EYS: variants seen among roughly 807,000 people sequenced by gnomAD.
EYS encodes protein eyes shut homolog.
A neutral mutation model predicts 282.1 loss-of-function variants in EYS; 250 were observed. The ratio of observed to expected loss-of-function variants is 0.89; its 90% CI spans 0.80 to 0.98. EYS has a LOEUF of 0.98. Ranked by LOEUF, EYS falls within the 50% of genes least tolerant of loss-of-function variation. EYS has a pLI of 0.00. For synonymous variants in EYS, 1,355 were observed against 1,282.9 expected (o/e 1.06, Z -1.20); for missense variants, 4,016 against 3,709.0 (o/e 1.08, Z -2.15).
At chr6:64,194,454 C>A (rs1378964139) in intron 31 of EYS, among the ~76,000 whole-genome samples, 1 of 151,998 alleles carries the variant, frequency 6.6e-6, no homozygotes, top group Non-Finnish European at 1.5e-5. Flanking sequence ...TTTGTGTAAA[C>A]ATCTTATTAT....
At chr6:65,061,749 C>A (rs1426145752) in intron 12 of EYS, among the ~76,000 whole-genome samples, 1 of 151,776 alleles carries the variant, frequency 6.6e-6, no homozygotes, top group Non-Finnish European at 1.5e-5. Context: ...CATCATATTC[C>A]TCAATTGCTT....
intron 26 of EYS, among the ~76,000 whole-genome samples, chr6:64,471,252 A>G (rs1333050863): frequency 1.3e-5 from 2 of 152,176 alleles, no homozygotes; most frequent in East Asian, 1.9e-4. Context: ...GAGCAATTAG[A>G]CAAGAACGAA....
At chr6:64,326,305 C>T (rs1261868259) in intron 29 of EYS, among the ~76,000 whole-genome samples, 1 of 152,132 alleles carries the variant, frequency 6.6e-6, no homozygotes, top group Non-Finnish European at 1.5e-5. Context: ...AAGTTTATTA[C>T]AGGCCCAGCG....
chr6:64,226,895 A>G (rs754840575), intron 31 of EYS, among the ~76,000 whole-genome samples: 2 of 152,012 alleles, frequency 1.3e-5, no homozygotes, highest in Non-Finnish European at 2.9e-5. Context: ...ATCTAGTGCT[A>G]TTTTAGTTAA....
chr6:63,996,968 A>C (rs1373326319), intron 34 of EYS, among the ~76,000 whole-genome samples: 3 of 152,142 alleles, frequency 2.0e-5, no homozygotes, highest in Non-Finnish European at 4.4e-5. Context: ...TTTGGTGTCA[A>C]TCTGGCTTTG....
intron 12 of EYS, among the ~76,000 whole-genome samples, chr6:65,285,422 T>C (rs921339524): frequency 6.6e-6 from 1 of 151,934 alleles, no homozygotes; most frequent in East Asian, 1.9e-4. Flanking sequence ...ATGCAAAAAA[T>C]GTATCTTTCC....
At chr6:64,989,207 C>A (rs1272563599) in intron 14 of EYS, among the ~76,000 whole-genome samples, 1 of 150,486 alleles carries the variant, frequency 6.6e-6, no homozygotes, top group African/African-American at 2.4e-5. Context: ...GGTAACACAG[C>A]TGGTGAGGCC....
At chr6:65,462,808 G>T (rs1049415667) in intron 5 of EYS, among the ~76,000 whole-genome samples, 1 of 151,764 alleles carries the variant, frequency 6.6e-6, no homozygotes, top group Non-Finnish European at 1.5e-5. Context: ...ACTTTTTATG[G>T]TTCTTAATAT....
At chr6:65,295,742 G>T in intron 12 of EYS, 121 bp downstream of exon 12, 1 of 910,290 alleles carries the variant, frequency 1.1e-6, no homozygotes, top group South Asian at 1.7e-5. Context: ...TGCCAAATAA[G>T]AAATGAGACA....
chr6:64,787,714 A>G (rs1029478974), intron 22 of EYS, among the ~76,000 whole-genome samples: 2 of 149,172 alleles, frequency 1.3e-5, no homozygotes, highest in African/African-American at 4.9e-5. Context: ...AGATAATAAT[A>G]CATATATAAC....
At chr6:64,072,924 C>A (rs747517789) in intron 32 of EYS, among the ~76,000 whole-genome samples, 16 of 151,784 alleles carry the variant, frequency 1.1e-4, no homozygotes, top group Non-Finnish European at 2.1e-4. Context: ...TTCAAAACTT[C>A]AAAAACTGAA....
At chr6:64,261,410 G>C (rs550350185) in intron 30 of EYS, among the ~76,000 whole-genome samples, 1 of 152,194 alleles carries the variant, frequency 6.6e-6, no homozygotes, top group Admixed American at 6.6e-5. Context: ...CTAAGATATA[G>C]ACACGTAAAT....
intron 13 of EYS, among the ~76,000 whole-genome samples, chr6:65,016,031 G>A (rs1342222134): frequency 1.4e-5 from 2 of 146,542 alleles, no homozygotes; most frequent in African/African-American, 5.1e-5. Flanking sequence ...GCAGCAGAGC[G>A]AGACTCCACA....
chr6:64,526,695 G>A (rs72874940), intron 26 of EYS, among the ~76,000 whole-genome samples: 1,554 of 151,868 alleles, frequency 0.01, 11 homozygotes, highest in Middle Eastern at 0.024. Context: ...AAGTAGATTA[G>A]GAGTGAGATG....
intron 26 of EYS, among the ~76,000 whole-genome samples, chr6:64,534,189 TA>T (rs1244457197): frequency 2.0e-5 from 3 of 151,838 alleles, no homozygotes; most frequent in African/African-American, 7.2e-5. Flanking sequence ...AAAATAATAT[TA>T]AAAATAAAAA....
chr6:63,934,449 C>T (rs866025946), intron 35 of EYS, among the ~76,000 whole-genome samples: 8 of 151,980 alleles, frequency 5.3e-5, no homozygotes, highest in African/African-American at 1.9e-4. Context: ...CACATGCGCA[C>T]GTATGTTTAT....
intron 32 of EYS, among the ~76,000 whole-genome samples, chr6:64,070,185 T>C (rs1771522449): frequency 6.6e-6 from 1 of 152,148 alleles, no homozygotes; most frequent in Admixed American, 6.6e-5. Flanking sequence ...AAAAGTGTAT[T>C]AATGAACTTC....
At chr6:65,211,999 T>C (rs1766187818) in intron 12 of EYS, among the ~76,000 whole-genome samples, 1 of 151,764 alleles carries the variant, frequency 6.6e-6, no homozygotes, top group Non-Finnish European at 1.5e-5. Context: ...TGAACACCAC[T>C]GTGATTATGG....
chr6:65,133,922 GA>G (rs56318415), intron 12 of EYS, among the ~76,000 whole-genome samples: 46,806 of 150,052 alleles, frequency 0.31, 7,555 homozygotes, highest in African/African-American at 0.39. Flanking sequence ...AAATTTACAA[GA>G]AAAAAAAACC....
Sources: allele counts gnomAD v4.1 joint callset (sites outside exome capture counted in the v4.1 genomes callset), GRCh38; gene constraint gnomAD v4.1.1; transcripts MANE v1.5; gene names NCBI Gene and HGNC (gene_info 2026-07-23, HGNC 2026-07-21).